The following SFMBT1 variants were observed in gnomAD, a reference collection of about 807,000 sequenced individuals.
SFMBT1 encodes the protein Scm like with four mbt domains 1.
Under a neutral mutation model 108.7 loss-of-function variants are expected in SFMBT1, and 32 were observed. The observed-to-expected ratio is 0.29, with a 90% CI of 0.22 to 0.40. SFMBT1 has a LOEUF of 0.40. Ranked by LOEUF, SFMBT1 falls within the 10% of genes least tolerant of loss-of-function variation. SFMBT1 has a pLI of 1.00. For synonymous variants in SFMBT1, 348 were observed against 369.5 expected (o/e 0.94, Z 0.67); for missense variants, 816 against 1,059.6 (o/e 0.77, Z 3.19).
At chr3:52,910,730 C>T (rs1702194317) in intron 17 of SFMBT1, among the ~76,000 whole-genome samples, 3 of 152,124 alleles carry the variant, frequency 2.0e-5, no homozygotes, top group Admixed American at 2.0e-4. Flanking sequence ...CTCAAGTGAT[C>T]CGCCTGCCTC....
At chr3:53,016,990 C>T (rs575745003) in intron 1 of SFMBT1, among the ~76,000 whole-genome samples, 1 of 152,244 alleles carries the variant, frequency 6.6e-6, no homozygotes, top group South Asian at 2.1e-4. Flanking sequence ...TAACTAGATT[C>T]GTCTCCAGTG....
At chr3:52,933,939 T>C (rs938043643) in intron 5 of SFMBT1, among the ~76,000 whole-genome samples, 26 of 152,028 alleles carry the variant, frequency 1.7e-4, no homozygotes, top group African/African-American at 5.8e-4. Context: ...AGACAAACCA[T>C]AGAATGGGAA....
At chr3:53,019,307 C>T (rs554634069) in intron 1 of SFMBT1, among the ~76,000 whole-genome samples, 1 of 149,438 alleles carries the variant, frequency 6.7e-6, no homozygotes, top group Admixed American at 6.7e-5. Context: ...AAAAAACAAA[C>T]AAAAAAAAGC....
intron 3 of SFMBT1, among the ~76,000 whole-genome samples, chr3:52,945,146 A>AAAAAAAAAAAAAAAAAAAAC: frequency 6.7e-6 from 1 of 148,226 alleles, no homozygotes; most frequent in Non-Finnish European, 1.5e-5. Context: ...TAAAAAAAAA[A>AAAAAAAAAAAAAAAAAAAAC]AAAAACAAGG....
intron 1 of SFMBT1, among the ~76,000 whole-genome samples, chr3:53,013,731 C>A (rs551614655): frequency 2.2e-5 from 3 of 137,480 alleles, no homozygotes; most frequent in African/African-American, 8.4e-5. Flanking sequence ...TGGGTTCAAG[C>A]GATTCTCCTG....
At chr3:52,924,960 C>T (rs937093008) in intron 10 of SFMBT1, among the ~76,000 whole-genome samples, 2 of 152,022 alleles carry the variant, frequency 1.3e-5, no homozygotes, top group Non-Finnish European at 2.9e-5. Flanking sequence ...GTGGCTCATA[C>T]CTGTAATCCC....
chr3:52,983,448 T>C (rs976594638), intron 1 of SFMBT1, among the ~76,000 whole-genome samples: 1 of 152,228 alleles, frequency 6.6e-6, no homozygotes, highest in African/African-American at 2.4e-5. Context: ...AAAAGTTATA[T>C]GCAAATCTTC....
chr3:52,936,629 A>G (rs1703015653), intron 4 of SFMBT1, among the ~76,000 whole-genome samples: 1 of 152,118 alleles, frequency 6.6e-6, no homozygotes, highest in Non-Finnish European at 1.5e-5. Context: ...AAATTGCCTG[A>G]CCTAGTGCAG....
chr3:52,950,295 T>C (rs1421181485), intron 3 of SFMBT1, among the ~76,000 whole-genome samples: 1 of 152,226 alleles, frequency 6.6e-6, no homozygotes, highest in Admixed American at 6.5e-5. Context: ...CCCTAGAGTT[T>C]ACAATATACA....
chr3:53,016,596 C>T (rs901549923), intron 1 of SFMBT1, among the ~76,000 whole-genome samples: 5 of 152,178 alleles, frequency 3.3e-5, no homozygotes, highest in African/African-American at 1.2e-4. Context: ...TGTTTACTGA[C>T]CACTGGATTC....
intron 1 of SFMBT1, among the ~76,000 whole-genome samples, chr3:53,014,863 AG>A (rs1653450180): frequency 6.6e-6 from 1 of 152,228 alleles, no homozygotes; most frequent in Admixed American, 6.5e-5. Context: ...CCAAAATGAA[AG>A]CATAAAGCAA....
At chr3:52,968,985 A>C (rs1362071710) in intron 2 of SFMBT1, 116 bp downstream of exon 2, 33 of 1,245,246 alleles carry the variant, frequency 2.7e-5, no homozygotes, top group Non-Finnish European at 3.7e-5. Flanking sequence ...GCAATGAAAA[A>C]CAACTTAAGA....
chr3:52,969,039 A>T, intron 2 of SFMBT1, 62 bp downstream of exon 2: 1 of 1,588,816 alleles, frequency 6.3e-7, no homozygotes, highest in Non-Finnish European at 8.6e-7. Flanking sequence ...CAGACAATAT[A>T]ACACAGGCAA....
intron 1 of SFMBT1, among the ~76,000 whole-genome samples, chr3:53,041,983 CTTTTA>C (rs1394705541): frequency 6.6e-6 from 1 of 152,054 alleles, no homozygotes; most frequent in Non-Finnish European, 1.5e-5. Flanking sequence ...ATTACAAGTT[CTTTTA>C]TTTTATGTTA....
At chr3:52,986,275 T>C (rs1443543562) in intron 1 of SFMBT1, among the ~76,000 whole-genome samples, 3 of 152,170 alleles carry the variant, frequency 2.0e-5, no homozygotes, top group African/African-American at 7.2e-5. Context: ...GCCTGGGATA[T>C]TACTGTATAC....
chr3:52,989,178 T>C (rs1270861881), intron 1 of SFMBT1, among the ~76,000 whole-genome samples: 1 of 152,126 alleles, frequency 6.6e-6, no homozygotes, highest in Non-Finnish European at 1.5e-5. Context: ...TTAAATGCAA[T>C]ATTACAAAGG....
chr3:52,910,979 A>G, intron 17 of SFMBT1, 24 bp downstream of exon 17: 2 of 1,612,738 alleles, frequency 1.2e-6, no homozygotes, highest in South Asian at 1.1e-5. Context: ...GCTATGGTTA[A>G]CACATTGGAA....
chr3:52,985,549 A>G (rs1704875078), intron 1 of SFMBT1, among the ~76,000 whole-genome samples: 1 of 152,226 alleles, frequency 6.6e-6, no homozygotes, highest in Non-Finnish European at 1.5e-5. Flanking sequence ...TCATACAATG[A>G]TAATTCCATT....
At chr3:52,995,023 AAAAG>A (rs1297127330) in intron 1 of SFMBT1, among the ~76,000 whole-genome samples, 1 of 149,376 alleles carries the variant, frequency 6.7e-6, no homozygotes, top group African/African-American at 2.4e-5. Context: ...AGAAAGAAAG[AAAAG>A]AAAGCAAGAA....
Sources: gnomAD v4.1 joint callset for allele counts (sites outside exome capture counted in the v4.1 genomes callset) on GRCh38, gnomAD v4.1.1 for gene constraint, MANE v1.5 for transcripts, NCBI Gene and HGNC (gene_info 2026-07-23, HGNC 2026-07-21) for gene names.